Variants in FZD3 observed in about 807,000 individuals in gnomAD.
FZD3 encodes frizzled class receptor 3.
In FZD3, 30 loss-of-function variants were observed where a neutral mutation model predicts 60.7. The observed-to-expected ratio is 0.49, with a 90% CI of 0.37 to 0.67. FZD3 has a LOEUF of 0.67. FZD3 is among the 30% of genes least tolerant of loss of function. The pLI is 0.00. For synonymous variants in FZD3, 246 were observed against 275.2 expected (o/e 0.89, Z 1.05); for missense variants, 605 against 838.7 (o/e 0.72, Z 3.44).
chr8:28,562,945 C>T lies in FZD3; in HGVS notation c.1935C>T (p.Pro645=), dbSNP rs745844816. The T allele has an allele frequency of 1.2e-5, 20 of 1,613,546 alleles. No homozygotes were observed. Among genetic ancestry groups the T allele is most frequent in the South Asian group, 2.2e-5 (2 of 91,076 alleles). Reference sequence around the variant, plus strand: ...GCATCAGAGATCTCAGTAATAATCCCATGACTCATATCACACATGGCACCA... The same window carrying T: ...GCATCAGAGATCTCAGTAATAATCCTATGACTCATATCACACATGGCACCA... The part of the protein sequence containing the change: ...HSSIRDLSNN[P]MTHITHGTSM... Residue 645 remains proline, a synonymous_variant, in exon 8 of 8, where the codon CCC becomes CCT. Transcript: ENST00000240093.
At chr8:28,542,654 A>T (rs891311922) in intron 5 of FZD3, among the ~76,000 whole-genome samples, 2 of 152,142 alleles carry the variant, frequency 1.3e-5, no homozygotes, top group Non-Finnish European at 2.9e-5. Flanking sequence ...AATGAAATAA[A>T]TAAAATAAAA....
rs1037178554 is a variant in FZD3, at chr8:28,563,739, T to C, written c.*728T>C. On this transcript the variant is annotated 3_prime_UTR_variant, in exon 8 of 8. Coordinates refer to ENST00000240093, the MANE Select transcript of FZD3 (RefSeq NM_017412.4). ...ATTACTTTTTCTGGCTGTGTTTTTATAACTTATCCATATGCATGATGGAAA... is the reference window on the plus strand; with the variant it reads ...ATTACTTTTTCTGGCTGTGTTTTTACAACTTATCCATATGCATGATGGAAA... The C allele has an allele frequency of 4.6e-5, 7 of 152,578 alleles. No homozygotes were observed. Among genetic ancestry groups the C allele is most frequent in the Admixed American group, 3.9e-4 (6 of 15,282 alleles). 9.5% of individuals were successfully genotyped at this position (152,578 alleles called of 1,614,324 possible). A position where few individuals can be genotyped will look rare whatever the true frequency, so the allele number is the denominator to read the frequency against.
Position 28,572,472 on chromosome 8 carries a change from G to A in FZD3, c.*9461G>A, listed in dbSNP as rs981203341. 1 of 152,096 alleles carries A rather than the reference G, an allele frequency of 6.6e-6. No individual in the cohort carries two copies. Among genetic ancestry groups the A allele is most frequent in the Admixed American group, 6.5e-5 (1 of 15,274 alleles). The allele number at this position is 152,096 out of a possible 1,614,324, so 9.4% of individuals were successfully genotyped here. ...TTGTTAAATTTCCCAGTTTTTAAAA[G>A]TGTTTTATCAAAATGACTTCATAAT... On this transcript the variant is annotated 3_prime_UTR_variant, in exon 8 of 8. Coordinates refer to ENST00000240093, the MANE Select transcript of FZD3 (RefSeq NM_017412.4).
chr8:28,520,797 T>C lies in FZD3; in HGVS notation c.349T>C (p.Phe117Leu). Residue 117 changes from phenylalanine (F) to leucine (L), a missense_variant, in exon 4 of 8, where the codon TTT (phenylalanine) becomes CTT (leucine). Phe to Leu is a conservative substitution (Grantham distance 22). Transcript: ENST00000240093. ...TGAGTGTTCGAAGCTCATGGAGATGTTTGGTGTTCCTTGGCCTGAAGATAT... is the reference window on the plus strand; with the variant it reads ...TGAGTGTTCGAAGCTCATGGAGATGCTTGGTGTTCCTTGGCCTGAAGATAT... ...YSECSKLMEM[F>L]GVPWPEDMEC... The C allele has an allele frequency of 6.2e-7, 1 of 1,609,436 alleles. No individual in the cohort carries two copies. The highest frequency in any genetic ancestry group is 2.2e-5 in the East Asian group (1 of 44,784).
At chr8:28,534,480 G>C (rs577888854) in intron 5 of FZD3, among the ~76,000 whole-genome samples, 16 of 152,308 alleles carry the variant, frequency 1.1e-4, no homozygotes, top group African/African-American at 3.9e-4. Flanking sequence ...TTGAGCCCAA[G>C]AGGTCAAGGC....
chr8:28,569,459 G>A lies in FZD3; in HGVS notation c.*6448G>A, dbSNP rs1002878575. On this transcript the variant is annotated 3_prime_UTR_variant, in exon 8 of 8. Transcript: ENST00000240093. Reference sequence around the variant, plus strand: ...CTAGGGAACAAGAGAATTAGTTTAGGTAGCGTCTAAAATTCCGCCCAGCTC... The same window carrying A: ...CTAGGGAACAAGAGAATTAGTTTAGATAGCGTCTAAAATTCCGCCCAGCTC... 6.6e-6 allele frequency: 1 copy of A among 151,412 alleles called. No individual in the cohort carries two copies. The highest frequency in any genetic ancestry group is 2.4e-5 in the African/African-American group (1 of 41,196). 9.4% of individuals were successfully genotyped at this position (151,412 alleles called of 1,614,324 possible). A position where few individuals can be genotyped will look rare whatever the true frequency, so the allele number is the denominator to read the frequency against.
intron 7 of FZD3, 140 bp from the exon 8 acceptor site, chr8:28,562,658 C>T: frequency 1.6e-6 from 1 of 628,952 alleles, no homozygotes; most frequent in Non-Finnish European, 2.8e-6. Flanking sequence ...CGAAGTTAAG[C>T]AATCAAAAGT....
chr8:28,513,159 TAGC>T (rs1804332858), intron 3 of FZD3, among the ~76,000 whole-genome samples: 1 of 152,138 alleles, frequency 6.6e-6, no homozygotes, highest in Non-Finnish European at 1.5e-5. Flanking sequence ...GACAAAAAAA[TAGC>T]AGCTTCTGAA....
chr8:28,520,221 CAA>C (rs199633141), intron 3 of FZD3, among the ~76,000 whole-genome samples: 3 of 131,024 alleles, frequency 2.3e-5, no homozygotes, highest in African/African-American at 2.8e-5. Flanking sequence ...AAAAAAACAA[CAA>C]AAAAAAAAAA....
intron 7 of FZD3, among the ~76,000 whole-genome samples, chr8:28,559,088 T>G (rs1805568658): frequency 6.6e-6 from 1 of 152,148 alleles, no homozygotes; most frequent in Non-Finnish European, 1.5e-5. Context: ...GTAGGGTGAA[T>G]GAACAGTAAA....
At position 28,508,678 on chromosome 8, in the gene FZD3, T is replaced by TTTTGTTTG. The variant is rs147155384; in HGVS notation, c.189+5498_189+5505dup. ...ACCATGCCTGGCTAATTTTTGTGTTTTTTGTTTGTTTGTTTGTTTGTTTGT... is the reference window on the plus strand; with the variant it reads ...ACCATGCCTGGCTAATTTTTGTGTTTTTTGTTTGTTTGTTTGTTTGTTTGTTTGTTTGT... On this transcript the variant is annotated intron_variant, in intron 3 of 7. Transcript: ENST00000240093. Among the ~76,000 whole-genome samples the TTTTGTTTG allele has an allele frequency of 8.5e-4, 129 of 151,560 alleles. 1 individual carries two copies. The highest frequency in any genetic ancestry group is 2.8e-3 in the African/African-American group (114 of 41,068).
intron 2 of FZD3, among the ~76,000 whole-genome samples, chr8:28,501,715 C>T (rs1355592557): frequency 2.0e-5 from 3 of 152,158 alleles, no homozygotes; most frequent in Non-Finnish European, 4.4e-5. Context: ...TGGAAAAGTA[C>T]ATACAAGTCA....
At chr8:28,536,270 A>T (rs1029327637) in intron 5 of FZD3, among the ~76,000 whole-genome samples, 1 of 151,958 alleles carries the variant, frequency 6.6e-6, no homozygotes. Context: ...CATCTCTTTC[A>T]TCCATCTAAT....
At chr8:28,511,344 G>A (rs895874754) in intron 3 of FZD3, among the ~76,000 whole-genome samples, 1 of 152,110 alleles carries the variant, frequency 6.6e-6, no homozygotes, top group Non-Finnish European at 1.5e-5. Context: ...AAATTAGCTG[G>A]GCGTGGTGGC....
intron 1 of FZD3, among the ~76,000 whole-genome samples, chr8:28,498,429 G>A (rs1022664756): frequency 1.3e-5 from 2 of 152,006 alleles, no homozygotes; most frequent in Non-Finnish European, 2.9e-5. Flanking sequence ...GCTATGTCCT[G>A]CAAGTCTGGA....
chr8:28,548,010 AC>A (rs1366800875), intron 5 of FZD3, among the ~76,000 whole-genome samples: 8 of 151,338 alleles, frequency 5.3e-5, no homozygotes, highest in African/African-American at 1.9e-4. Flanking sequence ...CCACCATCAC[AC>A]CTGGCTAATT....
At chr8:28,518,594 TCCTTC>T (rs1563387919) in intron 3 of FZD3, among the ~76,000 whole-genome samples, 1 of 152,242 alleles carries the variant, frequency 6.6e-6, no homozygotes, top group Non-Finnish European at 1.5e-5. Context: ...CTTCTTAGCT[TCCTTC>T]CCTGTGTAGC....
intron 3 of FZD3, among the ~76,000 whole-genome samples, chr8:28,508,561 C>T (rs1804203737): frequency 6.6e-6 from 1 of 151,668 alleles, no homozygotes; most frequent in African/African-American, 2.4e-5. Flanking sequence ...AGTGTAGTGG[C>T]ACGATCACAG....
At chr8:28,559,584 G>GT (rs1273138246) in intron 7 of FZD3, among the ~76,000 whole-genome samples, 1 of 152,176 alleles carries the variant, frequency 6.6e-6, no homozygotes, top group African/African-American at 2.4e-5. Flanking sequence ...CAGAATGACA[G>GT]TGGCACCCTA....
Sources: gnomAD v4.1 joint callset for allele counts (sites outside exome capture counted in the v4.1 genomes callset) on GRCh38, gnomAD v4.1.1 for gene constraint, MANE v1.5 for transcripts, NCBI Gene and HGNC (gene_info 2026-07-23, HGNC 2026-07-21) for gene names.